The following FAM76B variants were observed in gnomAD, a reference collection of about 807,000 sequenced individuals.
The protein encoded by FAM76B is family with sequence similarity 76 member B, also known as protein FAM76B.
In FAM76B, 16 loss-of-function variants were observed where a neutral mutation model predicts 51.8. That is an observed-to-expected ratio of 0.31 (90% CI 0.21 to 0.47). The LOEUF is 0.47. Among genes scored for constraint, FAM76B ranks in the 20% least tolerant of loss-of-function variants. FAM76B has a pLI of 1.00. For synonymous variants in FAM76B, 166 were observed against 129.5 expected (o/e 1.28, Z -1.91); for missense variants, 342 against 392.6 (o/e 0.87, Z 1.09).
At chr11:95,788,872 C>G (rs1289691523) in intron 1 of FAM76B, 1 of 1,376,094 alleles carries the variant, frequency 7.3e-7, no homozygotes, top group South Asian at 1.2e-5. Context: ...TGCTCACAGA[C>G]AGCATCCAGG....
At chr11:95,775,040 C>A (rs1565285332) in intron 9 of FAM76B, among the ~76,000 whole-genome samples, 1 of 150,896 alleles carries the variant, frequency 6.6e-6, no homozygotes, top group Non-Finnish European at 1.5e-5. Flanking sequence ...ACAGTATTAA[C>A]TCCTTCCTTC....
At chr11:95,775,552 A>T (rs975675090) in intron 9 of FAM76B, among the ~76,000 whole-genome samples, 1 of 151,458 alleles carries the variant, frequency 6.6e-6, no homozygotes, top group Admixed American at 6.6e-5. Context: ...CTGGAAGGAA[A>T]TATTAATGTG....
chr11:95,775,503 T>C (rs917957610), intron 9 of FAM76B, among the ~76,000 whole-genome samples: 3 of 151,500 alleles, frequency 2.0e-5, no homozygotes, highest in Non-Finnish European at 3.0e-5. Context: ...TCCAGGTCCT[T>C]AAGAATTGGT....
intron 1 of FAM76B, 150 bp from the exon 2 acceptor site, chr11:95,788,713 G>A (rs1242094279): frequency 1.2e-5 from 15 of 1,219,760 alleles, no homozygotes; most frequent in Non-Finnish European, 1.7e-5. Context: ...TATCATATAA[G>A]TGGCCAATCA....
At chr11:95,786,464 T>C in intron 3 of FAM76B, 190 bp from the exon 4 acceptor site, 2 of 527,646 alleles carry the variant, frequency 3.8e-6, no homozygotes, top group Non-Finnish European at 6.6e-6. Context: ...CTAGTATTTA[T>C]TTCTAGTCAT....
chr11:95,787,615 C>T lies in FAM76B; in HGVS notation c.207+9G>A, dbSNP rs1296109583. The T allele has an allele frequency of 2.5e-6, 4 of 1,608,936 alleles. No homozygotes were observed. Among genetic ancestry groups the T allele is most frequent in the Non-Finnish European group, 3.4e-6 (4 of 1,176,654 alleles). ...GTAACAATGACATGAAAACATAAGA[C>T]ATACTTACCGTCCCAAATTGCTTCA... On this transcript the variant is annotated intron_variant, in intron 3 of 9. Coordinates refer to ENST00000358780, the MANE Select transcript of FAM76B (RefSeq NM_144664.5).
intron 3 of FAM76B, chr11:95,786,570 G>A (rs997902280): frequency 3.6e-5 from 8 of 223,042 alleles, no homozygotes; most frequent in East Asian, 1.0e-4. Context: ...TTTAAAGAAC[G>A]AAAATAAAGG....
intron 9 of FAM76B, among the ~76,000 whole-genome samples, chr11:95,775,425 T>C (rs979247467): frequency 2.0e-5 from 3 of 151,376 alleles, no homozygotes; most frequent in African/African-American, 7.3e-5. Flanking sequence ...CAGAACCCTA[T>C]TTGGCACTTT....
At chr11:95,771,882 T>C (rs1859782962) in intron 9 of FAM76B, among the ~76,000 whole-genome samples, 1 of 151,192 alleles carries the variant, frequency 6.6e-6, no homozygotes, top group African/African-American at 2.4e-5. Flanking sequence ...ATTAATATAA[T>C]TGTGTCCAAA....
intron 8 of FAM76B, among the ~76,000 whole-genome samples, chr11:95,777,128 T>C (rs188665650): frequency 6.6e-6 from 1 of 151,486 alleles, no homozygotes; most frequent in East Asian, 1.9e-4. Context: ...GTCTTATTTA[T>C]TCATCTTTGT....
chr11:95,784,110 G>A (rs1189026209), intron 4 of FAM76B, among the ~76,000 whole-genome samples: 1 of 152,152 alleles, frequency 6.6e-6, no homozygotes, highest in Non-Finnish European at 1.5e-5. Flanking sequence ...TGCAGCTATA[G>A]ACAAGAACAA....
rs1006950779 is a variant in FAM76B at position 95,789,777 on chromosome 11, G to C, written c.-299C>G. 5 of 345,928 alleles carry C rather than the reference G, an allele frequency of 1.4e-5. No individual in the cohort carries two copies. Among genetic ancestry groups the C allele is most frequent in the East Asian group, 5.0e-5 (1 of 19,954 alleles). The allele number at this position is 345,928 out of a possible 1,614,324, so 21.4% of individuals were successfully genotyped here. ...GGTTGCTGTTTAGCTGTGCGGCCGT[G>C]GATCCGCTTCCTTCTCGGCCTCCCT... On this transcript the variant is annotated 5_prime_UTR_variant, in exon 1 of 10. Coordinates refer to ENST00000358780, the MANE Select transcript of FAM76B (RefSeq NM_144664.5).
chr11:95,781,736 A>G (rs1860279824), intron 5 of FAM76B, among the ~76,000 whole-genome samples: 1 of 152,178 alleles, frequency 6.6e-6, no homozygotes, highest in Non-Finnish European at 1.5e-5. Flanking sequence ...GCTTCTTGAA[A>G]TACTCTGATA....
Position 95,788,599 on chromosome 11 carries a change from G to C in FAM76B, c.88-36C>G, listed in dbSNP as rs370902230. On this transcript the variant is annotated intron_variant, in intron 1 of 9. Coordinates refer to ENST00000358780, the MANE Select transcript of FAM76B (RefSeq NM_144664.5). ...ACAATACATTAGTCAGTATCTTTCT[G>C]AAAGTCCCAAATCTCACTTTTCTGG... 6 of 1,576,282 alleles carry C rather than the reference G, an allele frequency of 3.8e-6. No individual in the cohort carries two copies. The East Asian group carries it at 9.0e-5, about 24-fold the overall frequency.
intron 8 of FAM76B, among the ~76,000 whole-genome samples, chr11:95,778,549 T>C (rs1770603044): frequency 6.6e-6 from 1 of 151,506 alleles, no homozygotes; most frequent in African/African-American, 2.4e-5. Context: ...TAATTAGGTA[T>C]TAGATCTATT....
At position 95,771,553 on chromosome 11, in the gene FAM76B, T is replaced by A; in HGVS notation, c.*8A>T. 6.3e-7 allele frequency: 1 copy of A among 1,599,028 alleles called. No individual in the cohort carries two copies. The highest frequency in any genetic ancestry group is 8.6e-7 in the Non-Finnish European group (1 of 1,169,052). On this transcript the variant is annotated 3_prime_UTR_variant, in exon 10 of 10. Coordinates refer to ENST00000358780, the MANE Select transcript of FAM76B (RefSeq NM_144664.5). ...ATTGTAAGAAGAAATGCTAAACAAA[T>A]GACTTTCTCAAGGAGATGTTAGTAT...
At position 95,786,141 on chromosome 11, in the gene FAM76B, C is replaced by T. The variant is rs372898056; in HGVS notation, c.341G>A (p.Arg114Gln). The change falls in exon 4 of 10, where the codon CGG becomes CAG. Residue 114 changes from arginine to glutamine, a missense_variant. By Grantham distance (43) the Arg-to-Gln change is conservative (BLOSUM62 1). Transcript: ENST00000358780. ...TACCTTTCTTCTTCCTTCCTCCTTC[C>T]GATCAAAAGCACATTGCTGTTTGCA... ...EQCKQQCAFD[R>Q]KEEGRRKVDG... is the part of the protein sequence containing the mutation. The T allele has an allele frequency of 1.6e-5, 26 of 1,609,460 alleles. No homozygotes were observed. The highest frequency in any genetic ancestry group is 4.0e-5 in the African/African-American group (3 of 74,876).
chr11:95,775,844 A>C, intron 9 of FAM76B, 78 bp downstream of exon 9: 4 of 899,312 alleles, frequency 4.4e-6, no homozygotes. Context: ...GGCTACCAAT[A>C]ACAATCTAAG....
chr11:95,779,642 C>T lies in FAM76B; in HGVS notation c.657G>A (p.Lys219=). The part of the protein sequence containing the change: ...ATIQNETPKK[K]PKLESKPSNG... Reference sequence around the variant, plus strand: ...TAGATGGCTTAGATTCCAATTTGGGCTTTTTCTTTGGAGTTTCATTCTGAA... The same window carrying T: ...TAGATGGCTTAGATTCCAATTTGGGTTTTTTCTTTGGAGTTTCATTCTGAA... The change falls in exon 7 of 10, where the codon AAG becomes AAA. Residue 219 remains lysine, a synonymous_variant. Coordinates refer to ENST00000358780, the MANE Select transcript of FAM76B (RefSeq NM_144664.5). 1 of 1,609,766 alleles carries T rather than the reference C, an allele frequency of 6.2e-7. No individual in the cohort carries two copies. The highest frequency in any genetic ancestry group is 8.5e-7 in the Non-Finnish European group (1 of 1,177,778).
Sources: gnomAD v4.1 joint callset for allele counts (sites outside exome capture counted in the v4.1 genomes callset) on GRCh38, gnomAD v4.1.1 for gene constraint, MANE v1.5 for transcripts, NCBI Gene and HGNC (gene_info 2026-07-23, HGNC 2026-07-21) for gene names.